Variants in EDEM1 observed in about 807,000 individuals in gnomAD.
The protein encoded by EDEM1 is ER degradation-enhancing alpha-mannosidase-like protein 1.
A neutral mutation model predicts 74.4 loss-of-function variants in EDEM1; 67 were observed. The observed-to-expected ratio is 0.90, with a 90% CI of 0.74 to 1.10. The LOEUF is 1.10. Among genes scored for constraint, EDEM1 ranks in the 50% least tolerant of loss-of-function variants. The pLI is 0.00. For synonymous variants in EDEM1, 382 were observed against 335.9 expected (o/e 1.14, Z -1.50); for missense variants, 926 against 851.6 (o/e 1.09, Z -1.09).
intron 2 of EDEM1, among the ~76,000 whole-genome samples, chr3:5,196,061 A>T (rs2054962465): frequency 6.6e-6 from 1 of 152,218 alleles, no homozygotes; most frequent in South Asian, 2.1e-4. Flanking sequence ...GCAAGTCTTT[A>T]CCATGAGAAA....
Position 5,216,863 on chromosome 3 carries a change from T to C in EDEM1, c.*945T>C, listed in dbSNP as rs780551960. ...TGTCTGAGCTTCCATCTTTCTCATATTTCCTAAGCAAGGATTCTCACTTCT... is the reference window on the plus strand; with the variant it reads ...TGTCTGAGCTTCCATCTTTCTCATACTTCCTAAGCAAGGATTCTCACTTCT... On this transcript the variant is annotated 3_prime_UTR_variant, in exon 12 of 12. Transcript: ENST00000256497. The C allele has an allele frequency of 6.5e-6, 1 of 152,682 alleles. No individual in the cohort carries two copies. The highest frequency in any genetic ancestry group is 1.5e-5 in the Non-Finnish European group (1 of 68,034). 9.5% of individuals were successfully genotyped at this position (152,682 alleles called of 1,614,324 possible).
intron 3 of EDEM1, among the ~76,000 whole-genome samples, chr3:5,200,178 T>C (rs1174754752): frequency 6.6e-5 from 10 of 152,172 alleles, no homozygotes; most frequent in Non-Finnish European, 1.3e-4. Context: ...GTGATCCGCC[T>C]GCCTTGGCCT....
At chr3:5,190,932 G>A (rs1443437052) in intron 1 of EDEM1, among the ~76,000 whole-genome samples, 1 of 151,852 alleles carries the variant, frequency 6.6e-6, no homozygotes, top group Non-Finnish European at 1.5e-5. Flanking sequence ...TATATTTATA[G>A]GGTACATGAG....
At position 5,219,096 on chromosome 3, in the gene EDEM1, T is replaced by G. The variant is rs1020618559; in HGVS notation, c.*3178T>G. 1.3e-5 allele frequency: 2 copies of G among 152,168 alleles called. No homozygotes were observed. Among genetic ancestry groups the G allele is most frequent in the African/African-American group, 4.8e-5 (2 of 41,424 alleles). 9.4% of individuals were successfully genotyped at this position (152,168 alleles called of 1,614,324 possible). On this transcript the variant is annotated 3_prime_UTR_variant, in exon 12 of 12. Transcript: ENST00000256497. ...CCTTGTTTCCTCCTCCCCTTTCCCC[T>G]TCTCCCCACCAAAGGAAAATATCCC...
chr3:5,193,883 C>T (rs1443774864), intron 1 of EDEM1, among the ~76,000 whole-genome samples: 3 of 152,222 alleles, frequency 2.0e-5, no homozygotes, highest in African/African-American at 4.8e-5. Context: ...CAGGCGTGAG[C>T]CACCGCACCC....
At chr3:5,193,289 C>G (rs2106587661) in intron 1 of EDEM1, among the ~76,000 whole-genome samples, 1 of 152,298 alleles carries the variant, frequency 6.6e-6, no homozygotes, top group East Asian at 1.9e-4. Context: ...GCAGAACATT[C>G]TTGAGTTGGC....
chr3:5,215,686 C>T, intron 11 of EDEM1, 143 bp from the exon 12 acceptor site: 1 of 745,246 alleles, frequency 1.3e-6, no homozygotes. Context: ...GACCGTCCTG[C>T]AGTGTACAGG....
At chr3:5,206,182 G>A (rs1027419037) in intron 6 of EDEM1, among the ~76,000 whole-genome samples, 9 of 150,794 alleles carry the variant, frequency 6.0e-5, no homozygotes, top group Non-Finnish European at 1.5e-5. Flanking sequence ...TGGCTTCTAC[G>A]TAGTGTCACT....
rs748516425 is a variant in EDEM1, at chr3:5,195,294, CT to C, written c.582+20del. Reference sequence around the variant, plus strand: ...GGATACACTTGCAGTAAGTGTTCACCTTTTTTTAAAAAAATGAATTAAGATG... The same window carrying C: ...GGATACACTTGCAGTAAGTGTTCACCTTTTTTAAAAAAATGAATTAAGATG... On this transcript the variant is annotated intron_variant, in intron 2 of 11. Coordinates refer to ENST00000256497, the MANE Select transcript of EDEM1 (RefSeq NM_014674.3). 35 of 1,509,604 alleles carry C rather than the reference CT, an allele frequency of 2.3e-5. No homozygotes were observed. Among genetic ancestry groups the C allele is most frequent in the South Asian group, 5.1e-5 (4 of 78,358 alleles). The allele number at this position is 1,509,604 out of a possible 1,614,324, so 93.5% of individuals were successfully genotyped here.
At position 5,205,877 on chromosome 3, in the gene EDEM1, T is replaced by A. The variant is rs147855175; in HGVS notation, c.1217+636T>A. On this transcript the variant is annotated intron_variant, in intron 6 of 11. Coordinates refer to ENST00000256497, the MANE Select transcript of EDEM1 (RefSeq NM_014674.3). ...AGTGTGGGAGGGGGCTGTGCAAGCG[T>A]GTGGCTCGCACGGATGGAGGTTCTC... Among the ~76,000 whole-genome samples the A allele has an allele frequency of 1.4e-3, 208 of 151,820 alleles. 1 individual carries two copies. The highest frequency in any genetic ancestry group is 4.9e-3 in the African/African-American group (203 of 41,386).
intron 9 of EDEM1, among the ~76,000 whole-genome samples, chr3:5,210,636 GAT>G (rs902568141): frequency 7.3e-5 from 11 of 151,594 alleles, no homozygotes; most frequent in African/African-American, 2.7e-4. Flanking sequence ...TTTTATATAT[GAT>G]GTGTGTATAT....
rs538211556 is a variant in EDEM1, at chr3:5,218,965, A to T, written c.*3047A>T. ...GCACGTGACACTTAAATAATTTTCT[A>T]TGTATTTAAAGAAAAATGCACCAGG... On this transcript the variant is annotated 3_prime_UTR_variant, in exon 12 of 12. Transcript: ENST00000256497. 1 of 151,946 alleles carries T rather than the reference A, an allele frequency of 6.6e-6. No individual in the cohort carries two copies. The highest frequency in any genetic ancestry group is 6.6e-5 in the Admixed American group (1 of 15,260). The allele number at this position is 151,946 out of a possible 1,614,324, so 9.4% of individuals were successfully genotyped here.
In EDEM1 at chr3:5,187,999, G is replaced by T. The variant is rs988575535; in HGVS notation, c.194G>T (p.Gly65Val). 2 of 1,511,758 alleles carry T rather than the reference G, an allele frequency of 1.3e-6. No individual in the cohort carries two copies. The highest frequency in any genetic ancestry group is 1.8e-6 in the Non-Finnish European group (2 of 1,132,482). 93.6% of individuals were successfully genotyped at this position (1,511,758 alleles called of 1,614,324 possible). A position where few individuals can be genotyped will look rare whatever the true frequency, so the allele number is the denominator to read the frequency against. ...PTSGPVGRPGGVSGPSWLQPP... is the reference protein window; with the variant it reads ...PTSGPVGRPGVVSGPSWLQPP... ...TCGGGGCCCGTGGGCCGGCCTGGGG[G>T]GGTATCCGGGCCGTCGTGGCTGCAG... Residue 65 changes from glycine (G) to valine (V), a missense_variant, in exon 1 of 12, where the codon GGG (glycine) becomes GTG (valine). Coordinates refer to ENST00000256497, the MANE Select transcript of EDEM1 (RefSeq NM_014674.3).
At chr3:5,191,426 TCTTA>T (rs1200421681) in intron 1 of EDEM1, among the ~76,000 whole-genome samples, 1 of 150,958 alleles carries the variant, frequency 6.6e-6, no homozygotes, top group African/African-American at 2.4e-5. Flanking sequence ...AGAAGTGGGG[TCTTA>T]CTTTGTTGCC....
intron 2 of EDEM1, among the ~76,000 whole-genome samples, chr3:5,197,663 C>T (rs1045227636): frequency 2.6e-5 from 4 of 152,192 alleles, no homozygotes; most frequent in African/African-American, 2.4e-5. Context: ...TCAGGTGTTA[C>T]TTCTGTTGAA....
At chr3:5,198,330 G>C (rs894436037) in intron 2 of EDEM1, among the ~76,000 whole-genome samples, 4 of 152,154 alleles carry the variant, frequency 2.6e-5, no homozygotes, top group African/African-American at 9.7e-5. Flanking sequence ...TTACAGACCT[G>C]AGCCACCGTG....
At chr3:5,191,790 T>G (rs1237140689) in intron 1 of EDEM1, among the ~76,000 whole-genome samples, 4 of 152,222 alleles carry the variant, frequency 2.6e-5, no homozygotes, top group Non-Finnish European at 5.9e-5. Context: ...CAGATCTGTC[T>G]AAGATAACTA....
chr3:5,205,031 C>T (rs1411468677), intron 5 of EDEM1, 36 bp from the exon 6 acceptor site: 3 of 1,606,986 alleles, frequency 1.9e-6, no homozygotes, highest in Non-Finnish European at 2.6e-6. Context: ...CCCGATGAGA[C>T]AGCTGGGACC....
chr3:5,204,992 G>A lies in EDEM1; in HGVS notation c.1043-75G>A. 7 of 1,528,984 alleles carry A rather than the reference G, an allele frequency of 4.6e-6. No individual in the cohort carries two copies. The South Asian group carries it at 8.4e-5, about 18-fold the overall frequency. The allele number at this position is 1,528,984 out of a possible 1,614,324, so 94.7% of individuals were successfully genotyped here. On this transcript the variant is annotated intron_variant, in intron 5 of 11. Transcript: ENST00000256497. ...GGTGCTGAGGAGCAGTGTGGTTGGA[G>A]TAGGAGGCCTGTCTCCATTCATGTC...
Sources: gnomAD v4.1 joint callset for allele counts (sites outside exome capture counted in the v4.1 genomes callset) on GRCh38, gnomAD v4.1.1 for gene constraint, MANE v1.5 for transcripts, NCBI Gene and HGNC (gene_info 2026-07-23, HGNC 2026-07-21) for gene names.